Variants in FMN1 observed in about 807,000 individuals in gnomAD.
The protein encoded by FMN1 is formin 1.
In FMN1, 110 loss-of-function variants were observed where a neutral mutation model predicts 132.4. The observed-to-expected ratio is 0.83, with a 90% CI of 0.71 to 0.97. The LOEUF is 0.97. FMN1 is among the 50% of genes least tolerant of loss of function. The pLI is 0.00. For synonymous variants in FMN1, 722 were observed against 651.7 expected (o/e 1.11, Z -1.64); for missense variants, 1,792 against 1,705.3 (o/e 1.05, Z -0.90).
intron 9 of FMN1, among the ~76,000 whole-genome samples, chr15:32,954,564 G>A (rs568787385): frequency 6.6e-6 from 1 of 152,004 alleles, no homozygotes; most frequent in African/African-American, 2.4e-5. Context: ...TAGGGTCAGA[G>A]TCAGAATTAG....
intron 5 of FMN1, among the ~76,000 whole-genome samples, chr15:33,071,448 C>T (rs932437046): frequency 2.0e-5 from 3 of 152,158 alleles, no homozygotes; most frequent in African/African-American, 7.2e-5. Flanking sequence ...CATAAATGAG[C>T]ACCAACAATG....
intron 5 of FMN1, among the ~76,000 whole-genome samples, chr15:33,072,142 GA>G (rs1336342243): frequency 3.3e-5 from 5 of 152,204 alleles, no homozygotes; most frequent in African/African-American, 1.2e-4. Context: ...GTAACTTGGG[GA>G]AAAATCTACA....
chr15:33,065,725 T>C (rs945815239), intron 5 of FMN1, among the ~76,000 whole-genome samples: 4 of 152,232 alleles, frequency 2.6e-5, no homozygotes, highest in Non-Finnish European at 5.9e-5. Context: ...GGAGGAATGA[T>C]AGTCATACAC....
At chr15:32,785,971 C>T (rs2056864660) in intron 19 of FMN1, among the ~76,000 whole-genome samples, 2 of 152,246 alleles carry the variant, frequency 1.3e-5, no homozygotes, top group South Asian at 2.1e-4. Flanking sequence ...TAATATCACT[C>T]GTTGCTAAAG....
intron 7 of FMN1, among the ~76,000 whole-genome samples, chr15:32,974,065 G>C (rs2032006256): frequency 6.6e-6 from 1 of 152,164 alleles, no homozygotes. Context: ...GGAAACTACA[G>C]ATAATGCCAG....
intron 6 of FMN1, chr15:33,012,919 C>T (rs1230472587): frequency 3.2e-5 from 17 of 530,004 alleles, no homozygotes; most frequent in Non-Finnish European, 5.1e-5. Flanking sequence ...TTAAAACCAC[C>T]GGTCTTCAAA....
intron 3 of FMN1, among the ~76,000 whole-genome samples, chr15:33,167,033 T>C (rs1055167865): frequency 1.1e-4 from 16 of 151,872 alleles, no homozygotes; most frequent in Admixed American, 1.0e-3. Flanking sequence ...AAAAATTAAA[T>C]ATTTAGGTGA....
intron 7 of FMN1, among the ~76,000 whole-genome samples, chr15:32,975,353 G>A (rs1024336723): frequency 6.6e-6 from 1 of 152,116 alleles, no homozygotes. Context: ...ATCCACAAAT[G>A]CTTATTGATT....
At chr15:32,843,856 A>C (rs2058798177) in intron 17 of FMN1, among the ~76,000 whole-genome samples, 2 of 152,212 alleles carry the variant, frequency 1.3e-5, no homozygotes, top group African/African-American at 2.4e-5. Context: ...GGTTTTGCTA[A>C]ATTTATAAAA....
intron 6 of FMN1, among the ~76,000 whole-genome samples, chr15:33,032,655 G>T (rs75043673): frequency 0.014 from 2,098 of 152,246 alleles, 43 homozygotes; most frequent in African/African-American, 0.048. Flanking sequence ...AGTATTCCAG[G>T]TTTATGAGCA....
chr15:32,874,084 C>T (rs567525259), intron 16 of FMN1, among the ~76,000 whole-genome samples: 11 of 143,916 alleles, frequency 7.6e-5, no homozygotes, highest in African/African-American at 2.4e-4. Context: ...TGCAATGGCG[C>T]GATCTCGGCT....
chr15:32,811,045 C>T (rs1470681112), intron 17 of FMN1: 25 of 456,554 alleles, frequency 5.5e-5, no homozygotes, highest in Non-Finnish European at 8.4e-5. Context: ...CCGTTGTGCA[C>T]TTTCCAGGAG....
At chr15:32,848,048 A>G (rs577573973) in intron 17 of FMN1, among the ~76,000 whole-genome samples, 1 of 152,302 alleles carries the variant, frequency 6.6e-6, no homozygotes, top group Admixed American at 6.5e-5. Context: ...TGGCATATTC[A>G]TAAAAGTGTA....
chr15:33,061,893 A>C (rs897386339), intron 6 of FMN1, among the ~76,000 whole-genome samples: 1 of 152,032 alleles, frequency 6.6e-6, no homozygotes, highest in Non-Finnish European at 1.5e-5. Flanking sequence ...GAGTGACAGA[A>C]AGAGAGAAAA....
chr15:32,819,297 T>A (rs537121077), intron 17 of FMN1, among the ~76,000 whole-genome samples: 2 of 152,304 alleles, frequency 1.3e-5, no homozygotes, highest in East Asian at 3.9e-4. Context: ...TATTACTACT[T>A]CTGCTGTGTG....
chr15:32,999,121 C>G (rs1392023615), intron 7 of FMN1, among the ~76,000 whole-genome samples: 1 of 152,162 alleles, frequency 6.6e-6, no homozygotes, highest in African/African-American at 2.4e-5. Context: ...ATGAATTACA[C>G]TAATATCAGC....
At chr15:33,128,594 C>T (rs12439352) in intron 4 of FMN1, among the ~76,000 whole-genome samples, 1 of 152,130 alleles carries the variant, frequency 6.6e-6, no homozygotes, top group African/African-American at 2.4e-5. Flanking sequence ...GGTCTAACTT[C>T]ACAAACATAC....
At chr15:33,061,368 A>AT (rs2037473613) in intron 6 of FMN1, among the ~76,000 whole-genome samples, 1 of 152,148 alleles carries the variant, frequency 6.6e-6, no homozygotes, top group Non-Finnish European at 1.5e-5. Context: ...CATATCATGT[A>AT]TTTATCTTTT....
intron 17 of FMN1, among the ~76,000 whole-genome samples, chr15:32,844,044 G>C (rs139767292): frequency 3.3e-5 from 5 of 152,276 alleles, no homozygotes; most frequent in African/African-American, 1.2e-4. Context: ...TCTCAATTCA[G>C]AAGATTAATA....
Sources: allele counts gnomAD v4.1 joint callset (sites outside exome capture counted in the v4.1 genomes callset), GRCh38; gene constraint gnomAD v4.1.1; transcripts MANE v1.5; gene names NCBI Gene and HGNC (gene_info 2026-07-23, HGNC 2026-07-21).